The following ATXN2 variants were observed in gnomAD, a reference collection of about 807,000 sequenced individuals.
The protein encoded by ATXN2 is ataxin 2, also known as ataxin-2.
ATXN2 carries 37 observed loss-of-function variants against 138.6 expected under a neutral mutation model. The observed-to-expected ratio is 0.27, with a 90% confidence interval of 0.21 to 0.35. The LOEUF is 0.35. Among genes scored for constraint, ATXN2 ranks in the 10% least tolerant of loss-of-function variants. ATXN2 has a pLI of 1.00. For missense variants in ATXN2, 1,216 were observed against 1,480.3 expected, an observed-to-expected ratio of 0.82 and a Z score of 2.93; for synonymous variants, 549 against 543.7, an observed-to-expected ratio of 1.01 and a Z score of -0.13.
intron 5 of ATXN2, among the ~76,000 whole-genome samples, chr12:111,540,150 A>T: frequency 6.9e-6 from 1 of 144,520 alleles, no homozygotes; most frequent in South Asian, 2.1e-4. Flanking sequence ...CAAAATAGAA[A>T]TTAGAGATAA....
At chr12:111,521,101 G>A in intron 6 of ATXN2, 128 bp from the exon 7 acceptor site, 4 of 620,376 alleles carry the variant, frequency 6.4e-6, no homozygotes, top group Middle Eastern at 3.1e-4. Context: ...TTAGAAAATA[G>A]GAAAAAATTT....
chr12:111,576,079 T>C (rs1203063607), intron 1 of ATXN2, among the ~76,000 whole-genome samples: 1 of 133,542 alleles, frequency 7.5e-6, no homozygotes, highest in Non-Finnish European at 1.5e-5. Flanking sequence ...ACAAACTCTG[T>C]CTTAAAATAA....
intron 1 of ATXN2, among the ~76,000 whole-genome samples, chr12:111,576,977 T>TAAAC (rs1296219428): frequency 6.6e-6 from 1 of 150,624 alleles, no homozygotes; most frequent in South Asian, 2.1e-4. Context: ...AATAAATAAA[T>TAAAC]AAACAAACAA....
At position 111,597,823 on chromosome 12, in the gene ATXN2, G is replaced by A. The variant is rs745653435; in HGVS notation, c.251+961C>T. 9 of 1,263,556 alleles carry A rather than the reference G, an allele frequency of 7.1e-6. No homozygotes were observed. The African/African-American group carries it at 7.6e-5, about 11-fold the overall frequency. The allele number at this position is 1,263,556 out of a possible 1,614,324, so 78.3% of individuals were successfully genotyped here. A position where few individuals can be genotyped will look rare whatever the true frequency, so the allele number is the denominator to read the frequency against. On this transcript the variant is annotated intron_variant, in intron 1 of 24. Coordinates refer to ENST00000673436, the MANE Select transcript of ATXN2 (RefSeq NM_001372574.1). ...CCTAGCATTTCCGAAATTGGGGCGG[G>A]GGTTGGGATAAGTGCGCAGGGTGCC...
At chr12:111,564,730 T>C (rs1428480922) in intron 1 of ATXN2, 1 of 152,168 alleles carries the variant, frequency 6.6e-6, no homozygotes, top group Non-Finnish European at 1.5e-5. Context: ...TAAAGGCCAG[T>C]CTGGGCAACG....
intron 19 of ATXN2, 122 bp downstream of exon 19, chr12:111,470,436 A>G (rs1566009605): frequency 2.4e-6 from 3 of 1,225,064 alleles, no homozygotes; most frequent in Non-Finnish European, 3.4e-6. Context: ...AGGGTCCCCA[A>G]GTCCTTAGCT....
Position 111,470,210 on chromosome 12 carries a change from C to T in ATXN2, c.2740G>A (p.Gly914Ser), listed in dbSNP as rs1876315878. 3 of 1,613,986 alleles carry T rather than the reference C, an allele frequency of 1.9e-6. No homozygotes were observed. Among genetic ancestry groups the T allele is most frequent in the South Asian group, 2.2e-5 (2 of 91,076 alleles). Residue 914 changes from glycine to serine, a missense_variant, in exon 20 of 25, where the codon GGT becomes AGT. Around this residue, in one of 4 missense-constraint regions of ATXN2, gnomAD observed 490 missense variants for 653.5 expected, o/e 0.75. Transcript: ENST00000673436. Reference sequence around the variant, plus strand: ...GGTGGTGCCATCATTCTAGCATTACCCTGTATTACAGGACTATAGACATGA... The same window carrying T: ...GGTGGTGCCATCATTCTAGCATTACTCTGTATTACAGGACTATAGACATGA... ...HPHVYSPVIQ[G>S]NARMMAPPTH...
At chr12:111,474,830 T>A (rs1174934094) in intron 18 of ATXN2, among the ~76,000 whole-genome samples, 1 of 152,148 alleles carries the variant, frequency 6.6e-6, no homozygotes, top group Non-Finnish European at 1.5e-5. Context: ...ACACCTGTAA[T>A]CCCAGCACTT....
In ATXN2 at chr12:111,453,906, C is replaced by T. The variant is rs1555228549; in HGVS notation, c.3271-61G>A. On this transcript the variant is annotated intron_variant, in intron 23 of 24. Transcript: ENST00000673436. The surrounding 1 kb of genome is among the most constrained non-coding windows in gnomAD (Gnocchi z 5.4). Reference sequence around the variant, plus strand: ...ATCTCCGGCTTCAACAACATGTCAACTGTGTTCCTTTCACTGGGCTGGGAC... The same window carrying T: ...ATCTCCGGCTTCAACAACATGTCAATTGTGTTCCTTTCACTGGGCTGGGAC... 2 of 1,523,522 alleles carry T rather than the reference C, an allele frequency of 1.3e-6. No individual in the cohort carries two copies. Among genetic ancestry groups the T allele is most frequent in the East Asian group, 2.3e-5 (1 of 43,228 alleles). The allele number at this position is 1,523,522 out of a possible 1,614,324, so 94.4% of individuals were successfully genotyped here.
At position 111,552,591 on chromosome 12, in the gene ATXN2, C is replaced by T; in HGVS notation, c.421-161G>A. On this transcript the variant is annotated intron_variant, in intron 4 of 24. Coordinates refer to ENST00000673436, the MANE Select transcript of ATXN2 (RefSeq NM_001372574.1). This position sits in a 1 kb window ranked among gnomAD's most constrained non-coding sequence, Gnocchi z 4.1. ...CAGGCATATGATCTATTATCCATTCCATCATTTAAAAATCCTCATATCTAA... is the reference window on the plus strand; with the variant it reads ...CAGGCATATGATCTATTATCCATTCTATCATTTAAAAATCCTCATATCTAA... 1 of 715,624 alleles carries T rather than the reference C, an allele frequency of 1.4e-6. No homozygotes were observed. Among genetic ancestry groups the T allele is most frequent in the Non-Finnish European group, 2.1e-6 (1 of 470,850 alleles). The allele number at this position is 715,624 out of a possible 1,614,324, so 44.3% of individuals were successfully genotyped here.
intron 5 of ATXN2, 70 bp from the exon 6 acceptor site, chr12:111,525,386 C>A: frequency 3.6e-6 from 5 of 1,371,138 alleles, no homozygotes; most frequent in South Asian, 1.8e-5. Flanking sequence ...ACGTGAATTA[C>A]CAACAAAGAC....
intron 21 of ATXN2, among the ~76,000 whole-genome samples, chr12:111,458,609 G>A (rs1875312937): frequency 6.6e-6 from 1 of 152,182 alleles, no homozygotes; most frequent in Non-Finnish European, 1.5e-5. Flanking sequence ...CCTCTCTTGA[G>A]AAACAAATCC....
intron 1 of ATXN2, among the ~76,000 whole-genome samples, chr12:111,559,951 G>A (rs1420507467): frequency 6.6e-6 from 1 of 152,166 alleles, no homozygotes; most frequent in East Asian, 1.9e-4. Flanking sequence ...AAAGGCACTT[G>A]GTAGGAGGAG....
chr12:111,471,836 A>G (rs931425850), intron 18 of ATXN2: 4 of 152,138 alleles, frequency 2.6e-5, no homozygotes, highest in Non-Finnish European at 4.4e-5. Flanking sequence ...AACTGAGCTT[A>G]AACTATTCAC....
chr12:111,460,362 C>T (rs1875480532), intron 21 of ATXN2, among the ~76,000 whole-genome samples: 1 of 152,254 alleles, frequency 6.6e-6, no homozygotes, highest in South Asian at 2.1e-4. Flanking sequence ...GCGTGAGCCA[C>T]CGCGCCCAGC....
chr12:111,455,800 G>T (rs981763177), intron 23 of ATXN2: 3 of 597,906 alleles, frequency 5.0e-6, no homozygotes, highest in East Asian at 2.9e-5. Context: ...TATTTTTAAG[G>T]TCTCAGTTGG....
chr12:111,589,005 A>AAAAAAAAAAAAAAAC (rs1884496054), intron 1 of ATXN2, among the ~76,000 whole-genome samples: 1 of 124,518 alleles, frequency 8.0e-6, no homozygotes, highest in Non-Finnish European at 1.5e-5. Flanking sequence ...AAAAAAAAAA[A>AAAAAAAAAAAAAAAC]AAAAAAAAAA....
intron 1 of ATXN2, among the ~76,000 whole-genome samples, chr12:111,569,558 G>A (rs7964354): frequency 0.1 from 15,314 of 152,100 alleles, 2,577 homozygotes; most frequent in African/African-American, 0.35. Flanking sequence ...TCTACAGAAA[G>A]TTTTAAAAAT....
chr12:111,554,701 G>A (rs186734010), intron 2 of ATXN2, among the ~76,000 whole-genome samples: 12 of 152,110 alleles, frequency 7.9e-5, no homozygotes, highest in African/African-American at 2.2e-4. Context: ...GAGAGAGGAG[G>A]GTTCACTGAA....
Sources: gnomAD v4.1 joint callset for allele counts (sites outside exome capture counted in the v4.1 genomes callset) on GRCh38, gnomAD v4.1.1 for gene constraint, gnomAD v4.1.1 regional missense constraint, Gnocchi (gnomAD v3.1) non-coding constraint, MANE v1.5 for transcripts, NCBI Gene and HGNC (gene_info 2026-07-23, HGNC 2026-07-21) for gene names.